Variants in KSR1 observed in about 807,000 individuals in gnomAD.
KSR1 encodes kinase suppressor of ras 1.
A neutral mutation model predicts 92.9 loss-of-function variants in KSR1; 35 were observed. That is an observed-to-expected ratio of 0.38 (90% CI 0.29 to 0.50). The LOEUF is 0.50. Ranked by LOEUF, KSR1 falls within the 20% of genes least tolerant of loss-of-function variation. The probability of loss-of-function intolerance (pLI) is 0.94; values close to 1 mark genes in which losing one functional copy is unlikely to be tolerated. For synonymous variants in KSR1, 467 were observed against 472.6 expected, an observed-to-expected ratio of 0.99 and a Z score of 0.15; for missense variants, 972 against 1,158.5, an observed-to-expected ratio of 0.84 and a Z score of 2.34.
At chr17:27,519,445 A>G (rs1597931274) in intron 1 of KSR1, among the ~76,000 whole-genome samples, 1 of 152,254 alleles carries the variant, frequency 6.6e-6, no homozygotes, top group East Asian at 1.9e-4. Context: ...CAGCTGAGGA[A>G]AGGAGTCCCC....
At chr17:27,502,414 T>G (rs114768038) in intron 1 of KSR1, among the ~76,000 whole-genome samples, 3,004 of 152,366 alleles carry the variant, frequency 0.02, 94 homozygotes, top group African/African-American at 0.067. Flanking sequence ...AGACCCTGTC[T>G]TACATGTGAG....
chr17:27,488,738 G>T (rs753851358), intron 1 of KSR1, among the ~76,000 whole-genome samples: 6 of 152,170 alleles, frequency 3.9e-5, no homozygotes, highest in African/African-American at 7.2e-5. Context: ...GGCCGAGGCA[G>T]GTGGATCATG....
rs116473811 is a variant in KSR1 at position 27,512,795 on chromosome 17, C to T, written c.232-37773C>T. On this transcript the variant is annotated intron_variant, in intron 1 of 20. Transcript: ENST00000644974. ...TTTGGATCTAGACATCATTCCTTTT[C>T]ATTTTTACTTTGTTTATATTGTAAA... is the stretch of plus-strand genomic sequence containing the variant. 3.3e-3 allele frequency among the ~76,000 whole-genome samples: 499 copies of T among 152,308 alleles called. 1 individual carries two copies. Among genetic ancestry groups the T allele is most frequent in the African/African-American group, 0.011 (475 of 41,556 alleles).
At chr17:27,548,836 A>G (rs1287064094) in intron 1 of KSR1, among the ~76,000 whole-genome samples, 6 of 152,216 alleles carry the variant, frequency 3.9e-5, no homozygotes, top group African/African-American at 1.4e-4. Context: ...AAAAAAAAAA[A>G]AAGAAAAATA....
intron 1 of KSR1, among the ~76,000 whole-genome samples, chr17:27,462,973 G>A (rs941698823): frequency 5.9e-5 from 9 of 152,292 alleles, no homozygotes; most frequent in South Asian, 2.1e-4. Flanking sequence ...TCATCTAACC[G>A]GTTTCCCTGT....
At chr17:27,610,013 T>TCTTTG in intron 16 of KSR1, 54 bp from the exon 17 acceptor site, 1 of 1,605,076 alleles carries the variant, frequency 6.2e-7, no homozygotes, top group East Asian at 2.2e-5. Flanking sequence ...CAGGCAGGCC[T>TCTTTG]CTTTGCTGCC....
intron 9 of KSR1, among the ~76,000 whole-genome samples, chr17:27,595,204 G>A (rs2073299749): frequency 6.6e-6 from 1 of 152,212 alleles, no homozygotes; most frequent in Non-Finnish European, 1.5e-5. Context: ...CAGGGGAATT[G>A]ATGTTTGCAT....
intron 3 of KSR1, among the ~76,000 whole-genome samples, chr17:27,580,809 C>T (rs1029402111): frequency 1.3e-5 from 2 of 152,060 alleles, no homozygotes; most frequent in East Asian, 3.9e-4. Context: ...ATTTATGAGA[C>T]GGCCTGGAGT....
intron 2 of KSR1, among the ~76,000 whole-genome samples, chr17:27,561,967 T>A (rs1198009070): frequency 6.6e-6 from 1 of 152,212 alleles, no homozygotes; most frequent in Non-Finnish European, 1.5e-5. Flanking sequence ...TGCCTCAGCC[T>A]CCTGAGTAGC....
At chr17:27,597,714 C>T (rs2073396781) in intron 10 of KSR1, among the ~76,000 whole-genome samples, 1 of 152,160 alleles carries the variant, frequency 6.6e-6, no homozygotes, top group African/African-American at 2.4e-5. Context: ...TCTGACATAA[C>T]ATAATCCTCG....
rs1567878665 is a variant in KSR1, at chr17:27,603,884, A to G, written c.1561A>G (p.Thr521Ala). 7 of 1,613,052 alleles carry G rather than the reference A, an allele frequency of 4.3e-6. No individual in the cohort carries two copies. The highest frequency in any genetic ancestry group is 5.1e-6 in the Non-Finnish European group (6 of 1,179,514). The change falls in exon 12 of 21, where the codon ACC becomes GCC. Residue 521 changes from threonine (T) to alanine (A), a missense_variant. By Grantham distance (58) the Thr-to-Ala change is moderately conservative (BLOSUM62 0). Around this residue, in one of 5 missense-constraint regions of KSR1, gnomAD observed 611 missense variants for 668.0 expected, o/e 0.91. Coordinates refer to ENST00000644974, the MANE Select transcript of KSR1 (RefSeq NM_001394583.1). ...CCCGCTCCCTGAAGCTGCCGACGGT[A>G]CCCGGTAGGCATCCCTAGGTGGTGT... is the stretch of plus-strand genomic sequence containing the variant. ...AAPLPEAADG[T>A]RLDDQPKADV...
intron 2 of KSR1, chr17:27,566,696 T>C (rs2072089480): frequency 2.5e-6 from 1 of 397,034 alleles, no homozygotes; most frequent in African/African-American, 2.1e-5. Context: ...AAATCGCATG[T>C]TGGGGCAGAA....
At position 27,601,352 on chromosome 17, in the gene KSR1, G is replaced by C; in HGVS notation, c.1469-8G>C. ...GTGTGTGTGACTCACCTCCTCTTCT[G>C]TTTAAAGCTGCCTACTTCATTCATC... On this transcript the variant is annotated splice_polypyrimidine_tract_variant and splice_region_variant and intron_variant, in intron 10 of 20. Coordinates refer to ENST00000644974, the MANE Select transcript of KSR1 (RefSeq NM_001394583.1). 1 of 1,612,990 alleles carries C rather than the reference G, an allele frequency of 6.2e-7. No individual in the cohort carries two copies. Among genetic ancestry groups the C allele is most frequent in the Non-Finnish European group, 8.5e-7 (1 of 1,179,056 alleles).
At position 27,614,081 on chromosome 17, in the gene KSR1, C is replaced by T. The variant is rs139138247; in HGVS notation, c.2493+2452C>T. Among the ~76,000 whole-genome samples, 13 of 152,370 alleles carry T rather than the reference C, an allele frequency of 8.5e-5. No homozygotes were observed. In the East Asian group the frequency reaches 1.9e-3, roughly 23 times the overall value. ...CCTCCCAAAGTGCTGGGATTACAGG[C>T]ATGAGCCCCCATGCCTGGCATAGTC... is the stretch of plus-strand genomic sequence containing the variant. On this transcript the variant is annotated intron_variant, in intron 18 of 20. Transcript: ENST00000644974.
At chr17:27,527,164 G>T in intron 1 of KSR1, 1 of 260,918 alleles carries the variant, frequency 3.8e-6, no homozygotes. Context: ...AAATCAGCAG[G>T]GTACTCTTTT....
intron 1 of KSR1, among the ~76,000 whole-genome samples, chr17:27,471,619 C>T (rs1041519084): frequency 1.3e-5 from 2 of 152,114 alleles, no homozygotes; most frequent in African/African-American, 4.8e-5. Context: ...GGGCATGGGG[C>T]TGTTTTTTCA....
intron 19 of KSR1, among the ~76,000 whole-genome samples, chr17:27,620,497 G>A (rs575447194): frequency 6.6e-6 from 1 of 152,312 alleles, no homozygotes; most frequent in East Asian, 1.9e-4. Flanking sequence ...AATATTTAAT[G>A]TGCATGAATG....
intron 18 of KSR1, among the ~76,000 whole-genome samples, chr17:27,614,610 C>A (rs192139139): frequency 3.9e-4 from 59 of 152,262 alleles, no homozygotes; most frequent in Admixed American, 3.5e-3. Flanking sequence ...ACAGAGGTAC[C>A]AATTAAATTG....
chr17:27,510,778 A>G (rs1163310470), intron 1 of KSR1, among the ~76,000 whole-genome samples: 1 of 152,190 alleles, frequency 6.6e-6, no homozygotes, highest in Non-Finnish European at 1.5e-5. Flanking sequence ...AATGTCTTTT[A>G]AAAGTGTACA....
Sources: allele counts gnomAD v4.1 joint callset (sites outside exome capture counted in the v4.1 genomes callset), GRCh38; gene constraint gnomAD v4.1.1; regional missense constraint gnomAD v4.1.1; transcripts MANE v1.5; gene names NCBI Gene and HGNC (gene_info 2026-07-23, HGNC 2026-07-21).